Variants in HSD17B12 observed in about 807,000 individuals in gnomAD.
The protein encoded by HSD17B12 is very-long-chain 3-oxoacyl-CoA reductase.
A neutral mutation model predicts 39.3 loss-of-function variants in HSD17B12; 32 were observed. That is an observed-to-expected ratio of 0.81 (90% CI 0.61 to 1.09). The LOEUF is 1.09. Among genes scored for constraint, HSD17B12 ranks in the 50% least tolerant of loss-of-function variants. The pLI, the probability that HSD17B12 is intolerant of heterozygous loss-of-function variation, is 0.00. For missense variants in HSD17B12, 342 were observed against 382.9 expected, an observed-to-expected ratio of 0.89 and a Z score of 0.89; for synonymous variants, 150 against 146.7, an observed-to-expected ratio of 1.02 and a Z score of -0.16.
intron 6 of HSD17B12, among the ~76,000 whole-genome samples, chr11:43,828,297 T>G (rs942021878): frequency 2.0e-5 from 3 of 147,134 alleles, no homozygotes; most frequent in South Asian, 4.5e-4. Context: ...CGCCCGCCAC[T>G]ACGCCCGGCT....
Position 43,750,909 on chromosome 11 carries a change from A to C in HSD17B12, c.161-2A>C. ...AAACTATTGCTTTTTTCCCTTTCCCAGTTGTCACAGGTAGTACTGATGGAA... is the reference window on the plus strand; with the variant it reads ...AAACTATTGCTTTTTTCCCTTTCCCCGTTGTCACAGGTAGTACTGATGGAA... On this transcript the variant is annotated splice_acceptor_variant, in intron 1 of 10. Coordinates refer to ENST00000278353, the MANE Select transcript of HSD17B12 (RefSeq NM_016142.3). LOFTEE classifies it high-confidence loss of function. 1 of 1,597,268 alleles carries C rather than the reference A, an allele frequency of 6.3e-7. No individual in the cohort carries two copies. The highest frequency in any genetic ancestry group is 8.5e-7 in the Non-Finnish European group (1 of 1,170,088).
At chr11:43,588,748 C>T in the HSD17B12 span, among the ~76,000 whole-genome samples, 1 of 151,502 alleles carries the variant, frequency 6.6e-6, no homozygotes, top group Admixed American at 6.6e-5. Context: ...AAAAGATAAT[C>T]TTTTCTGGAA....
chr11:43,825,982 C>G (rs1951232197), intron 6 of HSD17B12, among the ~76,000 whole-genome samples: 1 of 151,848 alleles, frequency 6.6e-6, no homozygotes, highest in Admixed American at 6.6e-5. Flanking sequence ...GAGAAGTTAG[C>G]TTATTTTGGA....
Position 43,815,507 on chromosome 11 carries a change from T to C in HSD17B12, c.456+6T>C. ...ATGTTCCTGACTTGGACAATGTAAG[T>C]CTTTCTTTGTGTATTATGGTAACAA... On this transcript the variant is annotated splice_donor_region_variant and intron_variant, in intron 5 of 10. Transcript: ENST00000278353. The C allele has an allele frequency of 6.5e-7, 1 of 1,537,182 alleles. No homozygotes were observed. Among genetic ancestry groups the C allele is most frequent in the Non-Finnish European group, 8.9e-7 (1 of 1,120,928 alleles).
At position 43,768,288 on chromosome 11, in the gene HSD17B12, G is replaced by A. The variant is rs117219293; in HGVS notation, c.283+14167G>A. Among the ~76,000 whole-genome samples the A allele has an allele frequency of 7.2e-3, 1,099 of 152,266 alleles. 8 individuals are homozygous for A. The highest frequency in any genetic ancestry group is 0.045 in the East Asian group (232 of 5,188). On this transcript the variant is annotated intron_variant, in intron 3 of 10. Coordinates refer to ENST00000278353, the MANE Select transcript of HSD17B12 (RefSeq NM_016142.3). ...TGACTATGTTTGAATGCAATTGCCT[G>A]TTGGAGTTATTATATTATTTAATTG...
intron 4 of HSD17B12, among the ~76,000 whole-genome samples, chr11:43,813,488 C>T (rs988367457): frequency 1.3e-5 from 2 of 152,004 alleles, no homozygotes; most frequent in Non-Finnish European, 2.9e-5. Flanking sequence ...TACAACTTGG[C>T]AAAGCCTTTC....
intron 4 of HSD17B12, among the ~76,000 whole-genome samples, chr11:43,802,413 A>T (rs4755747): frequency 0.66 from 99,570 of 152,004 alleles, 32,952 homozygotes; most frequent in East Asian, 0.75. Context: ...ACTAAGTCTT[A>T]GAAATCTAGT....
the HSD17B12 span, among the ~76,000 whole-genome samples, chr11:43,635,126 G>C: frequency 0.17 from 26,154 of 152,164 alleles, 2,661 homozygotes; most frequent in Middle Eastern, 0.26. Context: ...CTATGAAATA[G>C]AGATGATGTA....
At chr11:43,675,105 T>C in the HSD17B12 span, among the ~76,000 whole-genome samples, 1 of 152,218 alleles carries the variant, frequency 6.6e-6, no homozygotes, top group Non-Finnish European at 1.5e-5. Flanking sequence ...AAAGATACAG[T>C]GGTGAACAAG....
intron 4 of HSD17B12, among the ~76,000 whole-genome samples, chr11:43,803,541 A>G (rs1450972742): frequency 6.6e-6 from 1 of 152,176 alleles, no homozygotes; most frequent in African/African-American, 2.4e-5. Flanking sequence ...ACCAGGGTAC[A>G]CCCCATTTGT....
chr11:43,718,870 C>T, intron 1 of HSD17B12: 2 of 887,932 alleles, frequency 2.3e-6, no homozygotes, highest in Non-Finnish European at 3.8e-6. Flanking sequence ...GGAAAAGCAC[C>T]CTCAGGAGAA....
chr11:43,614,379 C>A, the HSD17B12 span, among the ~76,000 whole-genome samples: 2 of 152,106 alleles, frequency 1.3e-5, no homozygotes, highest in Non-Finnish European at 2.9e-5. Context: ...TCAATAATTA[C>A]ATTTTTGTTC....
At chr11:43,806,869 A>G (rs1044935427) in intron 4 of HSD17B12, among the ~76,000 whole-genome samples, 2 of 152,218 alleles carry the variant, frequency 1.3e-5, no homozygotes, top group African/African-American at 2.4e-5. Flanking sequence ...TTAAGGTTAT[A>G]AGTATCCCAG....
the HSD17B12 span, among the ~76,000 whole-genome samples, chr11:43,670,128 A>G: frequency 1.3e-5 from 2 of 152,184 alleles, no homozygotes; most frequent in African/African-American, 4.8e-5. Flanking sequence ...CATAATTAAG[A>G]TAGGTGGTCC....
rs745331387 is a variant in HSD17B12 at position 43,816,397 on chromosome 11, CA to C, written c.501+7del. The C allele has an allele frequency of 6.6e-7, 1 of 1,519,312 alleles. No individual in the cohort carries two copies. The highest frequency in any genetic ancestry group is 2.5e-5 in the East Asian group (1 of 40,608). 94.1% of individuals were successfully genotyped at this position (1,519,312 alleles called of 1,614,324 possible). On this transcript the variant is annotated splice_region_variant and intron_variant, in intron 6 of 10. Transcript: ENST00000278353. ...ATATTCTTTCTGTTTGTAAGGTAAGCATCCTTGTTATAAAGATGTCATCCTT... is the reference window on the plus strand; with the variant it reads ...ATATTCTTTCTGTTTGTAAGGTAAGCTCCTTGTTATAAAGATGTCATCCTT...
chr11:43,680,153 G>A (rs1267802866), upstream of HSD17B12, among the ~76,000 whole-genome samples: 2 of 96,396 alleles, frequency 2.1e-5, no homozygotes, highest in Non-Finnish European at 4.6e-5. Flanking sequence ...TCGGCTCACT[G>A]CAACCTCTGC....
chr11:43,819,167 G>C (rs192073379), intron 6 of HSD17B12, among the ~76,000 whole-genome samples: 190 of 152,200 alleles, frequency 1.2e-3, no homozygotes, highest in Non-Finnish European at 1.9e-3. Flanking sequence ...TAACTCCTCT[G>C]TCAGATAAAC....
At chr11:43,795,500 C>T (rs1044172254) in intron 3 of HSD17B12, among the ~76,000 whole-genome samples, 5 of 152,172 alleles carry the variant, frequency 3.3e-5, no homozygotes, top group Admixed American at 1.3e-4. Flanking sequence ...GTCCACCCAA[C>T]CATGTCCCTG....
chr11:43,632,470 G>A, the HSD17B12 span, among the ~76,000 whole-genome samples: 1 of 152,184 alleles, frequency 6.6e-6, no homozygotes, highest in Admixed American at 6.5e-5. Flanking sequence ...GAAGGGTGTG[G>A]ATTTCCTAGT....
Sources: gnomAD v4.1 joint callset for allele counts (sites outside exome capture counted in the v4.1 genomes callset) on GRCh38, gnomAD v4.1.1 for gene constraint, MANE v1.5 for transcripts, NCBI Gene and HGNC (gene_info 2026-07-23, HGNC 2026-07-21) for gene names.